The following CRIM1 variants were observed in gnomAD, a reference collection of about 807,000 sequenced individuals.
CRIM1 encodes the protein cysteine rich transmembrane BMP regulator 1.
Under a neutral mutation model 116.4 loss-of-function variants are expected in CRIM1, and 32 were observed. The ratio of observed to expected loss-of-function variants is 0.27; its 90% CI spans 0.21 to 0.37. CRIM1 has a LOEUF of 0.37. Among genes scored for constraint, CRIM1 ranks in the 10% least tolerant of loss-of-function variants. CRIM1 has a pLI of 1.00. For synonymous variants in CRIM1, 590 were observed against 509.2 expected (o/e 1.16, Z -2.13); for missense variants, 1,331 against 1,354.8 (o/e 0.98, Z 0.28).
chr2:36,533,242 G>A (rs756887678), intron 13 of CRIM1, among the ~76,000 whole-genome samples: 3 of 151,924 alleles, frequency 2.0e-5, no homozygotes, highest in East Asian at 1.9e-4. Flanking sequence ...TGGCGTTTTC[G>A]CAAATGGGTC....
intron 13 of CRIM1, chr2:36,532,170 G>A (rs1666164554): frequency 1.1e-5 from 4 of 354,992 alleles, no homozygotes; most frequent in South Asian, 8.6e-5. Flanking sequence ...ATTGGCCCTG[G>A]ACGCCATCGC....
intron 7 of CRIM1, among the ~76,000 whole-genome samples, chr2:36,494,755 A>G (rs936580643): frequency 1.4e-4 from 22 of 152,214 alleles, no homozygotes; most frequent in Non-Finnish European, 2.9e-5. Context: ...ATTCTTCTCC[A>G]CAAGGAAGCT....
chr2:36,444,902 G>A (rs1374737145), intron 4 of CRIM1, among the ~76,000 whole-genome samples: 2 of 151,982 alleles, frequency 1.3e-5, no homozygotes, highest in Non-Finnish European at 2.9e-5. Context: ...GTCACTCTTC[G>A]GCCCCTGAAG....
chr2:36,520,068 G>C (rs1425398446), intron 12 of CRIM1, among the ~76,000 whole-genome samples: 1 of 152,208 alleles, frequency 6.6e-6, no homozygotes, highest in Non-Finnish European at 1.5e-5. Flanking sequence ...GATGCTGTGG[G>C]TAAGATTCCA....
chr2:36,388,497 A>G (rs1466347815), intron 1 of CRIM1, among the ~76,000 whole-genome samples: 1 of 152,224 alleles, frequency 6.6e-6, no homozygotes, highest in Non-Finnish European at 1.5e-5. Context: ...GATAAAGTCT[A>G]AAGGGGCCTC....
intron 8 of CRIM1, among the ~76,000 whole-genome samples, chr2:36,508,771 A>C (rs1429296535): frequency 6.6e-6 from 1 of 152,212 alleles, no homozygotes; most frequent in Non-Finnish European, 1.5e-5. Flanking sequence ...TAACCTTTTA[A>C]AATCATTTTA....
chr2:36,456,543 C>T (rs2124984472), intron 4 of CRIM1, among the ~76,000 whole-genome samples: 1 of 152,288 alleles, frequency 6.6e-6, no homozygotes, highest in Middle Eastern at 3.4e-3. Context: ...CTGTCTTACT[C>T]TCTAAAGCCA....
intron 2 of CRIM1, among the ~76,000 whole-genome samples, chr2:36,410,823 T>C (rs1673147977): frequency 6.6e-6 from 1 of 152,170 alleles, no homozygotes. Flanking sequence ...GAAAAGACAC[T>C]TGTTTCAGTG....
intron 1 of CRIM1, among the ~76,000 whole-genome samples, chr2:36,380,080 C>T (rs1370116214): frequency 6.6e-6 from 1 of 152,100 alleles, no homozygotes; most frequent in Non-Finnish European, 1.5e-5. Flanking sequence ...AAATGGGCTC[C>T]TCTTCACTTA....
intron 4 of CRIM1, among the ~76,000 whole-genome samples, chr2:36,447,798 C>G (rs994261349): frequency 1.1e-4 from 16 of 152,162 alleles, no homozygotes; most frequent in African/African-American, 3.6e-4. Context: ...GATAGATGCC[C>G]TTTAGTTTTC....
At chr2:36,515,863 G>A (rs1665001204) in intron 11 of CRIM1, among the ~76,000 whole-genome samples, 1 of 152,210 alleles carries the variant, frequency 6.6e-6, no homozygotes, top group Non-Finnish European at 1.5e-5. Context: ...AGCAATAAGG[G>A]AGGCTTTTGC....
intron 5 of CRIM1, among the ~76,000 whole-genome samples, chr2:36,468,454 A>C (rs577548084): frequency 6.6e-6 from 1 of 152,290 alleles, no homozygotes; most frequent in African/African-American, 2.4e-5. Context: ...TTGTAACTGC[A>C]TTCTCTGACA....
intron 2 of CRIM1, among the ~76,000 whole-genome samples, chr2:36,427,967 T>G (rs1674590832): frequency 6.6e-6 from 1 of 152,252 alleles, no homozygotes; most frequent in African/African-American, 2.4e-5. Flanking sequence ...TCTTCTGACC[T>G]TTCTTAGCCA....
rs568054434 is a variant in CRIM1, at chr2:36,521,451, A to G, written c.2207-641A>G. Among the ~76,000 whole-genome samples, 4 of 152,298 alleles carry G rather than the reference A, an allele frequency of 2.6e-5. No individual in the cohort carries two copies. In the South Asian group the frequency reaches 8.3e-4, roughly 32 times the overall value. On this transcript the variant is annotated intron_variant, in intron 12 of 16. Transcript: ENST00000280527. Reference sequence around the variant, plus strand: ...TGCATGTGGCCACAAGTAAGAGAAAATCCAGCTACAATTTGTAAGTAAATA... The same window carrying G: ...TGCATGTGGCCACAAGTAAGAGAAAGTCCAGCTACAATTTGTAAGTAAATA...
intron 2 of CRIM1, among the ~76,000 whole-genome samples, chr2:36,400,622 G>A (rs141896828): frequency 1.3e-5 from 2 of 152,282 alleles, no homozygotes; most frequent in African/African-American, 4.8e-5. Flanking sequence ...ATGGAATGTG[G>A]GAGATAAAGC....
At chr2:36,452,651 C>T (rs1428010709) in intron 4 of CRIM1, among the ~76,000 whole-genome samples, 2 of 152,030 alleles carry the variant, frequency 1.3e-5, no homozygotes, top group South Asian at 2.1e-4. Flanking sequence ...TCTTCAGATG[C>T]GTGCGTGCTG....
intron 13 of CRIM1, among the ~76,000 whole-genome samples, chr2:36,523,307 C>T (rs571069965): frequency 3.3e-4 from 51 of 152,320 alleles, no homozygotes; most frequent in African/African-American, 1.1e-3. Flanking sequence ...GTTTCAACCA[C>T]GTGGTTGTCC....
At chr2:36,541,057 A>G (rs925685916) in intron 14 of CRIM1, among the ~76,000 whole-genome samples, 12 of 152,178 alleles carry the variant, frequency 7.9e-5, no homozygotes, top group African/African-American at 2.2e-4. Context: ...AAATACTGCA[A>G]TCAGTTGAGC....
At chr2:36,398,094 A>G (rs1672158515) in intron 2 of CRIM1, among the ~76,000 whole-genome samples, 1 of 152,238 alleles carries the variant, frequency 6.6e-6, no homozygotes, top group Admixed American at 6.5e-5. Flanking sequence ...GTAAACATTT[A>G]GGGATATAGA....
Sources: allele counts gnomAD v4.1 joint callset (sites outside exome capture counted in the v4.1 genomes callset), GRCh38; gene constraint gnomAD v4.1.1; transcripts MANE v1.5; gene names NCBI Gene and HGNC (gene_info 2026-07-23, HGNC 2026-07-21).